TMPRSS6: variants seen among roughly 807,000 people sequenced by gnomAD.
The protein encoded by TMPRSS6 is transmembrane serine protease 6, also known as transmembrane protease serine 6.
TMPRSS6 carries 67 observed loss-of-function variants against 101.5 expected under a neutral mutation model. The ratio of observed to expected loss-of-function variants is 0.66; its 90% CI spans 0.54 to 0.81. TMPRSS6 has a LOEUF of 0.81. Among genes scored for constraint, TMPRSS6 ranks in the 30% least tolerant of loss-of-function variants. The pLI is 0.00. For missense variants in TMPRSS6, 1,034 were observed against 1,088.7 expected, an observed-to-expected ratio of 0.95 and a Z score of 0.71; for synonymous variants, 453 against 464.9, an observed-to-expected ratio of 0.97 and a Z score of 0.33.
chr22:37,093,870 C>A (rs914309169), intron 6 of TMPRSS6, among the ~76,000 whole-genome samples: 1 of 151,724 alleles, frequency 6.6e-6, no homozygotes, highest in Non-Finnish European at 1.5e-5. Context: ...TAAAAATATA[C>A]AAATTAGCCA....
In TMPRSS6 at chr22:37,089,580, G is replaced by T; in HGVS notation, c.834C>A (p.Thr278=). ...VAGPLEKRLI[T]SVYGCSRQEP... is the part of the protein sequence containing the mutation. ...TGCCCTCCTTCCCAGGGACTCACGA[G>T]GTGATGAGCCTCTTCTCCAGGGGCC... is the stretch of plus-strand genomic sequence containing the variant. The change falls in exon 7 of 18, where the codon ACC becomes ACA. Residue 278 remains threonine, a splice_region_variant and synonymous_variant. Coordinates refer to ENST00000676104, the MANE Select transcript of TMPRSS6 (RefSeq NM_001374504.1). 1 of 1,537,132 alleles carries T rather than the reference G, an allele frequency of 6.5e-7. No individual in the cohort carries two copies. The highest frequency in any genetic ancestry group is 8.8e-7 in the Non-Finnish European group (1 of 1,131,738).
Position 37,076,015 on chromosome 22 carries a change from G to GA in TMPRSS6, c.1197-736dup, listed in dbSNP as rs1312512539. Among the ~76,000 whole-genome samples the GA allele has an allele frequency of 4.2e-5, 6 of 144,048 alleles. No individual in the cohort carries two copies. The East Asian group carries it at 1.2e-3, about 29-fold the overall frequency. The allele number at this position is 144,048 out of a possible 152,430, so 94.5% of individuals were successfully genotyped here. A position where few individuals can be genotyped will look rare whatever the true frequency, so the allele number is the denominator to read the frequency against. On this transcript the variant is annotated intron_variant, in intron 10 of 17. Transcript: ENST00000676104. ...AGAAAGAAAGGAAGAAAGAAAGAAAGAAGAAAGAGAAAGAGAAAGAAAGAA... is the reference window on the plus strand; with the variant it reads ...AGAAAGAAAGGAAGAAAGAAAGAAAGAAAGAAAGAGAAAGAGAAAGAAAGAA...
At position 37,065,713 on chromosome 22, in the gene TMPRSS6, T is replaced by TTGC. The variant is rs1227119084; in HGVS notation, c.*366_*367insGCA. The TTGC allele has an allele frequency of 6.8e-6, 2 of 295,494 alleles. No homozygotes were observed. Among genetic ancestry groups the TTGC allele is most frequent in the African/African-American group, 4.3e-5 (2 of 46,640 alleles). 18.3% of individuals were successfully genotyped at this position (295,494 alleles called of 1,614,324 possible). ...TGGAGGCAAGGCTGCCCAAACAGCC[T>TTGC]CTGTACAGAGTGGGGCGCACCTCAG... On this transcript the variant is annotated 3_prime_UTR_variant, in exon 18 of 18. Transcript: ENST00000676104.
At chr22:37,092,977 G>A (rs1406761535) in intron 6 of TMPRSS6, among the ~76,000 whole-genome samples, 1 of 152,208 alleles carries the variant, frequency 6.6e-6, no homozygotes, top group Non-Finnish European at 1.5e-5. Context: ...ACTGGCACCT[G>A]GTGTTATGAG....
chr22:37,094,572 A>C (rs372135930), intron 6 of TMPRSS6, among the ~76,000 whole-genome samples: 1 of 90,592 alleles, frequency 1.1e-5, no homozygotes. Flanking sequence ...TAGATAGACA[A>C]ATAGATCAGT....
rs1257731298 is a variant in TMPRSS6 at position 37,101,212 on chromosome 22, G to A, written c.202+2004C>T. Among the ~76,000 whole-genome samples the A allele has an allele frequency of 6.6e-6, 1 of 152,150 alleles. No individual in the cohort carries two copies. The highest frequency in any genetic ancestry group is 2.4e-5 in the African/African-American group (1 of 41,422). On this transcript the variant is annotated intron_variant, in intron 2 of 17. Coordinates refer to ENST00000676104, the MANE Select transcript of TMPRSS6 (RefSeq NM_001374504.1). The surrounding 1 kb of genome is among the most constrained non-coding windows in gnomAD (Gnocchi z 4.1). ...GATCGGGGTCCCAGGAGGAGTGCACGTGATGCAGCTGGGAGGGCAGGTGGG... is the reference window on the plus strand; with the variant it reads ...GATCGGGGTCCCAGGAGGAGTGCACATGATGCAGCTGGGAGGGCAGGTGGG...
At position 37,103,768 on chromosome 22, in the gene TMPRSS6, G is replaced by C. The variant is rs1217528112; in HGVS notation, c.-1-350C>G. 7 of 638,502 alleles carry C rather than the reference G, an allele frequency of 1.1e-5. No homozygotes were observed. The African/African-American group carries it at 1.3e-4, about 12-fold the overall frequency. 39.6% of individuals were successfully genotyped at this position (638,502 alleles called of 1,614,324 possible). Reference sequence around the variant, plus strand: ...ACCCACAGACAGAACTGAAGTACATGGGGTGCAGACTTCTGTAGACATCTG... The same window carrying C: ...ACCCACAGACAGAACTGAAGTACATCGGGTGCAGACTTCTGTAGACATCTG... On this transcript the variant is annotated intron_variant, in intron 1 of 17. Transcript: ENST00000676104. The surrounding 1 kb of genome is among the most constrained non-coding windows in gnomAD (Gnocchi z 4.4).
chr22:37,072,127 TGATG>T (rs983051646), intron 13 of TMPRSS6, among the ~76,000 whole-genome samples: 1 of 140,584 alleles, frequency 7.1e-6, no homozygotes, highest in Non-Finnish European at 1.5e-5. Flanking sequence ...GATGGATGGA[TGATG>T]GATGGATGGA....
chr22:37,089,559 C>A lies in TMPRSS6; in HGVS notation c.836+19G>T. ...CCCTTTTCCAGCCCTCCCTCCTGCCCTCCTTCCCAGGGACTCACGAGGTGA... is the reference window on the plus strand; with the variant it reads ...CCCTTTTCCAGCCCTCCCTCCTGCCATCCTTCCCAGGGACTCACGAGGTGA... On this transcript the variant is annotated intron_variant, in intron 7 of 17. Coordinates refer to ENST00000676104, the MANE Select transcript of TMPRSS6 (RefSeq NM_001374504.1). The A allele has an allele frequency of 6.3e-7, 1 of 1,577,948 alleles. No homozygotes were observed. Among genetic ancestry groups the A allele is most frequent in the South Asian group, 1.1e-5 (1 of 88,168 alleles).
At chr22:37,078,949 G>GAA (rs1927978636) in intron 10 of TMPRSS6, among the ~76,000 whole-genome samples, 4 of 113,568 alleles carry the variant, frequency 3.5e-5, no homozygotes, top group African/African-American at 1.4e-4. Context: ...GAAGGAGAAG[G>GAA]AGAAAAAGAG....
At chr22:37,072,388 T>C (rs1441085927) in intron 13 of TMPRSS6, among the ~76,000 whole-genome samples, 1 of 141,586 alleles carries the variant, frequency 7.1e-6, no homozygotes, top group Non-Finnish European at 1.5e-5. Flanking sequence ...GGATGGATGA[T>C]GGATCGATGG....
At chr22:37,102,732 G>C (rs890276005) in intron 2 of TMPRSS6, among the ~76,000 whole-genome samples, 1 of 152,018 alleles carries the variant, frequency 6.6e-6, no homozygotes, top group African/African-American at 2.4e-5. Context: ...AGAGGGGATA[G>C]AGCTGTGGTC....
intron 10 of TMPRSS6, among the ~76,000 whole-genome samples, chr22:37,076,692 G>T (rs536889013): frequency 2.0e-4 from 31 of 152,330 alleles, no homozygotes; most frequent in Non-Finnish European, 2.9e-4. Context: ...GCAGCCGGGG[G>T]TTCCTTTTCA....
intron 4 of TMPRSS6, among the ~76,000 whole-genome samples, chr22:37,096,334 G>A (rs1743556368): frequency 6.6e-6 from 1 of 152,252 alleles, no homozygotes. Context: ...AGAACCAGAT[G>A]TGGACGGGGC....
Position 37,101,107 on chromosome 22 carries a change from G to A in TMPRSS6, c.202+2109C>T, listed in dbSNP as rs1339056433. Among the ~76,000 whole-genome samples the A allele has an allele frequency of 6.6e-6, 1 of 152,106 alleles. No homozygotes were observed. Among genetic ancestry groups the A allele is most frequent in the Non-Finnish European group, 1.5e-5 (1 of 67,998 alleles). ...CAGCTCTTTCAAGGAGCAGAGAAAT[G>A]GGGGAGGCACCCCAAGGGACACTGG... On this transcript the variant is annotated intron_variant, in intron 2 of 17. Transcript: ENST00000676104. This position sits in a 1 kb window ranked among gnomAD's most constrained non-coding sequence, Gnocchi z 4.1.
chr22:37,077,170 A>T (rs969766628), intron 10 of TMPRSS6, among the ~76,000 whole-genome samples: 4 of 152,176 alleles, frequency 2.6e-5, no homozygotes. Context: ...CAGCACCTCC[A>T]CCCAGGGAGG....
intron 10 of TMPRSS6, among the ~76,000 whole-genome samples, chr22:37,078,838 G>A: frequency 8.5e-6 from 1 of 117,756 alleles, no homozygotes; most frequent in African/African-American, 3.9e-5. Flanking sequence ...AAGAGGAGGA[G>A]GAGAAGGAAG....
intron 17 of TMPRSS6, 33 bp downstream of exon 17, chr22:37,066,793 C>T (rs776938875): frequency 6.2e-7 from 1 of 1,613,936 alleles, no homozygotes; most frequent in South Asian, 1.1e-5. Context: ...TCCTTTCTCC[C>T]TCCTCTCTCC....
chr22:37,094,761 G>A (rs542183995), intron 6 of TMPRSS6, among the ~76,000 whole-genome samples: 4 of 152,170 alleles, frequency 2.6e-5, no homozygotes, highest in African/African-American at 7.2e-5. Flanking sequence ...ATGGGAAGAC[G>A]GGAAGGTAAG....
Sources: gnomAD v4.1 joint callset for allele counts (sites outside exome capture counted in the v4.1 genomes callset) on GRCh38, gnomAD v4.1.1 for gene constraint, Gnocchi (gnomAD v3.1) non-coding constraint, MANE v1.5 for transcripts, NCBI Gene and HGNC (gene_info 2026-07-23, HGNC 2026-07-21) for gene names.